Variants in DNAJC1 observed in about 807,000 individuals in gnomAD.
The protein encoded by DNAJC1 is dnaJ homolog subfamily C member 1.
A neutral mutation model predicts 76.6 loss-of-function variants in DNAJC1; 58 were observed. The observed-to-expected ratio is 0.76, with a 90% CI of 0.61 to 0.94. DNAJC1 has a LOEUF of 0.94. DNAJC1 is among the 40% of genes least tolerant of loss of function. DNAJC1 has a pLI of 0.00. For missense variants in DNAJC1, 689 were observed against 677.3 expected (o/e 1.02, Z -0.19); for synonymous variants, 258 against 267.9 (o/e 0.96, Z 0.36).
chr10:21,850,471 A>G (rs984363189), intron 8 of DNAJC1, among the ~76,000 whole-genome samples: 6 of 152,064 alleles, frequency 3.9e-5, no homozygotes, highest in African/African-American at 1.4e-4. Flanking sequence ...AAGGAGACAG[A>G]AATAAATGGA....
chr10:21,931,640 T>C (rs1837226729), intron 1 of DNAJC1, among the ~76,000 whole-genome samples: 1 of 152,222 alleles, frequency 6.6e-6, no homozygotes, highest in Admixed American at 6.5e-5. Flanking sequence ...CTTGACCTGA[T>C]AAACTATATG....
intron 8 of DNAJC1, among the ~76,000 whole-genome samples, chr10:21,831,431 C>A (rs1835355172): frequency 6.6e-6 from 1 of 152,178 alleles, no homozygotes; most frequent in Non-Finnish European, 1.5e-5. Context: ...GGTACCAAAA[C>A]TAGATTTACT....
chr10:21,877,423 G>A (rs182030031), intron 8 of DNAJC1, among the ~76,000 whole-genome samples: 46 of 152,010 alleles, frequency 3.0e-4, no homozygotes, highest in Non-Finnish European at 5.3e-4. Flanking sequence ...AGCACAATGG[G>A]AGAAAATATG....
At chr10:21,878,788 C>T (rs1250850162) in intron 8 of DNAJC1, among the ~76,000 whole-genome samples, 1 of 152,068 alleles carries the variant, frequency 6.6e-6, no homozygotes, top group Non-Finnish European at 1.5e-5. Flanking sequence ...TGAGCTCTGA[C>T]CCTGCAACTA....
Position 21,759,435 on chromosome 10 carries a change from CTCCG to C in DNAJC1, c.1327_1330del (p.Arg443GlyfsTer30), listed in dbSNP as rs1834215136. The stretch of plus-strand genomic sequence containing the variant: ...CTCCAGCAGCCTGGCTGGCTTCCGC[CTCCG>C]AGGCCGGGCATCAGTGGCCCCGGTC... On this transcript the variant is annotated frameshift_variant, in exon 11 of 12. Coordinates refer to ENST00000376980, the MANE Select transcript of DNAJC1 (RefSeq NM_022365.4). LOFTEE classifies it high-confidence loss of function. 1 of 1,614,056 alleles carries C rather than the reference CTCCG, an allele frequency of 6.2e-7. No homozygotes were observed. Among genetic ancestry groups the C allele is most frequent in the Non-Finnish European group, 8.5e-7 (1 of 1,180,046 alleles).
chr10:21,813,208 CT>C (rs1835010032), intron 8 of DNAJC1, among the ~76,000 whole-genome samples: 5 of 68,690 alleles, frequency 7.3e-5, no homozygotes, highest in Non-Finnish European at 1.0e-4. Context: ...CTCTCTCTCT[CT>C]CTCTCTCTCT....
rs926807395 is a variant in DNAJC1, at chr10:21,776,998, C to T, written c.1099-10689G>A. Among the ~76,000 whole-genome samples the T allele has an allele frequency of 2.0e-5, 3 of 152,124 alleles. No homozygotes were observed. The South Asian group carries it at 6.2e-4, about 32-fold the overall frequency. ...CATTAACATGTAATAGCTCAGGTAT[C>T]ACCATTCTATTGACTTGCTGCATTC... is the stretch of plus-strand genomic sequence containing the variant. On this transcript the variant is annotated intron_variant, in intron 9 of 11. Coordinates refer to ENST00000376980, the MANE Select transcript of DNAJC1 (RefSeq NM_022365.4).
chr10:21,926,979 CAAAA>C (rs992462621), intron 3 of DNAJC1, among the ~76,000 whole-genome samples: 4 of 151,698 alleles, frequency 2.6e-5, no homozygotes, highest in Non-Finnish European at 4.4e-5. Context: ...AGATAACAAA[CAAAA>C]AGAAAAAAAC....
chr10:21,868,029 TC>T (rs1192643245), intron 8 of DNAJC1, among the ~76,000 whole-genome samples: 1 of 132,534 alleles, frequency 7.5e-6, no homozygotes, highest in African/African-American at 3.0e-5. Context: ...GCTGAGAAGA[TC>T]GCGCCACTGC....
At chr10:21,826,045 T>C (rs1835243691) in intron 8 of DNAJC1, among the ~76,000 whole-genome samples, 1 of 152,090 alleles carries the variant, frequency 6.6e-6, no homozygotes. Flanking sequence ...GAGATCAGCC[T>C]GGCCAACATG....
chr10:21,879,664 T>C (rs570810576), intron 8 of DNAJC1, among the ~76,000 whole-genome samples: 28 of 152,270 alleles, frequency 1.8e-4, no homozygotes, highest in African/African-American at 6.5e-4. Flanking sequence ...TAAAACTAAG[T>C]TTACATTGTA....
chr10:21,905,739 G>A (rs763938779), intron 6 of DNAJC1, among the ~76,000 whole-genome samples: 12 of 152,192 alleles, frequency 7.9e-5, no homozygotes, highest in Middle Eastern at 3.4e-3. Context: ...AGTATTTACC[G>A]AATTGAACTA....
At chr10:21,779,782 C>T (rs547319463) in intron 9 of DNAJC1, among the ~76,000 whole-genome samples, 20 of 152,052 alleles carry the variant, frequency 1.3e-4, no homozygotes, top group Non-Finnish European at 2.2e-4. Flanking sequence ...AGGCTTCAGA[C>T]GATCAAACTT....
At chr10:21,787,084 T>G (rs879626136) in intron 9 of DNAJC1, among the ~76,000 whole-genome samples, 2 of 152,016 alleles carry the variant, frequency 1.3e-5, no homozygotes, top group Admixed American at 6.6e-5. Flanking sequence ...TTCCAGCACT[T>G]TGGGAGGCTC....
At chr10:21,966,325 T>C (rs1003971110) in intron 1 of DNAJC1, among the ~76,000 whole-genome samples, 3 of 152,164 alleles carry the variant, frequency 2.0e-5, no homozygotes, top group Non-Finnish European at 4.4e-5. Context: ...ATACTTATTC[T>C]GTGGGAATAC....
At chr10:21,872,071 ATCT>A (rs1401164752) in intron 8 of DNAJC1, among the ~76,000 whole-genome samples, 2 of 146,692 alleles carry the variant, frequency 1.4e-5, no homozygotes, top group Non-Finnish European at 3.0e-5. Flanking sequence ...ACGTTAAATC[ATCT>A]TTTTTTTTTT....
intron 1 of DNAJC1, among the ~76,000 whole-genome samples, chr10:21,973,744 A>AG (rs11383931): frequency 0.65 from 98,546 of 151,678 alleles, 33,022 homozygotes; most frequent in East Asian, 0.98. Context: ...ACTTAAAAAA[A>AG]AAAAAGAAAA....
intron 8 of DNAJC1, among the ~76,000 whole-genome samples, chr10:21,827,614 C>T (rs957037829): frequency 7.9e-5 from 12 of 152,152 alleles, no homozygotes; most frequent in African/African-American, 1.2e-4. Context: ...ACCTCTGCTG[C>T]GTCATCATAT....
chr10:21,896,738 G>T lies in DNAJC1; in HGVS notation c.820+7784C>A, dbSNP rs184177084. On this transcript the variant is annotated intron_variant, in intron 7 of 11. Transcript: ENST00000376980. The stretch of plus-strand genomic sequence containing the variant: ...TGAGAAGGATATAAATTTTGGAAGG[G>T]GGGGGTTCAGAAGTGAAATGCTATG... Among the ~76,000 whole-genome samples the T allele has an allele frequency of 3.5e-4, 54 of 152,124 alleles. 1 individual carries two copies. In the East Asian group the frequency reaches 7.5e-3, roughly 21 times the overall value.
Sources: allele counts gnomAD v4.1 joint callset (sites outside exome capture counted in the v4.1 genomes callset), GRCh38; gene constraint gnomAD v4.1.1; transcripts MANE v1.5; gene names NCBI Gene and HGNC (gene_info 2026-07-23, HGNC 2026-07-21).